EHMT1: variants seen among roughly 807,000 people sequenced by gnomAD.
EHMT1 encodes histone-lysine N-methyltransferase EHMT1.
A neutral mutation model predicts 147.2 loss-of-function variants in EHMT1; 15 were observed. The observed-to-expected ratio is 0.10, with a 90% CI of 0.07 to 0.16. The LOEUF is 0.16. Among genes scored for constraint, EHMT1 ranks in the 10% least tolerant of loss-of-function variants. The probability of loss-of-function intolerance (pLI) is 1.00; values close to 1 mark genes in which losing one functional copy is unlikely to be tolerated. For synonymous variants in EHMT1, 795 were observed against 709.6 expected (o/e 1.12, Z -1.91); for missense variants, 1,587 against 1,772.4 (o/e 0.90, Z 1.88).
At chr9:137,678,716 C>T (rs1941638831) in intron 1 of EHMT1, among the ~76,000 whole-genome samples, 1 of 149,552 alleles carries the variant, frequency 6.7e-6, no homozygotes, top group Admixed American at 6.7e-5. Context: ...ATGTCCCCCC[C>T]CCCGCTCCCC....
At position 137,787,794 on chromosome 9, in the gene EHMT1, G is replaced by T. The variant is rs1952108568; in HGVS notation, c.2383-3054G>T. 4 of 852,870 alleles carry T rather than the reference G, an allele frequency of 4.7e-6. No homozygotes were observed. In the East Asian group the frequency reaches 9.7e-5, roughly 21 times the overall value. 52.8% of individuals were successfully genotyped at this position (852,870 alleles called of 1,614,324 possible). On this transcript the variant is annotated intron_variant, in intron 15 of 26. Transcript: ENST00000460843. The surrounding 1 kb of genome is among the most constrained non-coding windows in gnomAD (Gnocchi z 4.2). ...AAGAGGGCGTCTAGATCCCAGCCCT[G>T]GGGGCCCTCAGGTTTCAGGGGCCAC...
chr9:137,821,912 G>A (rs1304506966), intron 25 of EHMT1, among the ~76,000 whole-genome samples: 1 of 152,060 alleles, frequency 6.6e-6, no homozygotes, highest in Non-Finnish European at 1.5e-5. Flanking sequence ...AAATCAAATA[G>A]GTTTTTGAAA....
rs558085411 is a variant in EHMT1, at chr9:137,715,548, T to TG, written c.86-1075dup. ...AGAACAGAGCCAGGAAGGAGGGCAC[T>TG]GGGCGGTGGCATCTCAGGCTTGACT... is the stretch of plus-strand genomic sequence containing the variant. On this transcript the variant is annotated intron_variant, in intron 2 of 26. Transcript: ENST00000460843. The TG allele has an allele frequency of 1.3e-4, 133 of 985,450 alleles. 1 individual carries two copies. The African/African-American group carries it at 2.2e-3, about 16-fold the overall frequency. 61.0% of individuals were successfully genotyped at this position (985,450 alleles called of 1,614,324 possible).
chr9:137,824,872 T>G (rs975220804), intron 25 of EHMT1, among the ~76,000 whole-genome samples: 1 of 152,222 alleles, frequency 6.6e-6, no homozygotes, highest in Non-Finnish European at 1.5e-5. Context: ...TTTGGACTAT[T>G]AGGCTTGTCT....
At chr9:137,769,779 C>G (rs1309989724) in intron 10 of EHMT1, among the ~76,000 whole-genome samples, 1 of 152,128 alleles carries the variant, frequency 6.6e-6, no homozygotes. Context: ...TTGACTTGAT[C>G]TCTATTTATG....
intron 4 of EHMT1, among the ~76,000 whole-genome samples, chr9:137,739,074 A>G (rs1177991017): frequency 9.2e-6 from 1 of 108,750 alleles, no homozygotes. Flanking sequence ...TTTTACTAGT[A>G]AAAAAAAAAA....
At chr9:137,689,618 G>A (rs1458349630) in intron 1 of EHMT1, among the ~76,000 whole-genome samples, 1 of 152,186 alleles carries the variant, frequency 6.6e-6, no homozygotes, top group Admixed American at 6.5e-5. Flanking sequence ...CAGGAGATTG[G>A]CTTGAACCTG....
intron 3 of EHMT1, among the ~76,000 whole-genome samples, chr9:137,721,159 C>A (rs1003335558): frequency 6.6e-6 from 1 of 151,458 alleles, no homozygotes; most frequent in East Asian, 1.9e-4. Flanking sequence ...TCACCCCTCC[C>A]AGACTTCTCA....
intron 1 of EHMT1, among the ~76,000 whole-genome samples, chr9:137,650,106 TA>T (rs1302944960): frequency 5.3e-5 from 8 of 152,088 alleles, no homozygotes; most frequent in Admixed American, 1.3e-4. Flanking sequence ...TTTATTTATT[TA>T]TTTTTTTTTG....
At position 137,634,868 on chromosome 9, in the gene EHMT1, ATTTTTTTTTTT is replaced by A. The variant is rs781056803; in HGVS notation, c.21+15834_21+15844del. Among the ~76,000 whole-genome samples the A allele has an allele frequency of 5.2e-4, 48 of 92,080 alleles. 2 individuals are homozygous for A. In the East Asian group the frequency reaches 0.011, roughly 21 times the overall value. The allele number at this position is 92,080 out of a possible 152,430, so 60.4% of individuals were successfully genotyped here. A position where few individuals can be genotyped will look rare whatever the true frequency, so the allele number is the denominator to read the frequency against. On this transcript the variant is annotated intron_variant, in intron 1 of 26. Transcript: ENST00000460843. Reference sequence around the variant, plus strand: ...CAGGCGCCCCCACCATGCCCAGCTAATTTTTTTTTTTTTTTTTTTTTTTTTGTATTTTTAGT... The same window carrying A: ...CAGGCGCCCCCACCATGCCCAGCTAATTTTTTTTTTTTTTGTATTTTTAGT...
intron 15 of EHMT1, chr9:137,788,833 G>A (rs879686207): frequency 1.3e-5 from 2 of 152,346 alleles, no homozygotes; most frequent in Non-Finnish European, 2.9e-5. Flanking sequence ...GACTTGGTCA[G>A]TGTCAGCCGC....
At chr9:137,710,250 T>A (rs1944583523) in intron 1 of EHMT1, among the ~76,000 whole-genome samples, 1 of 151,648 alleles carries the variant, frequency 6.6e-6, no homozygotes, top group Non-Finnish European at 1.5e-5. Context: ...GGCGGGCGGA[T>A]CACTTGAGGC....
At chr9:137,820,266 C>G (rs1488685678) in intron 25 of EHMT1, among the ~76,000 whole-genome samples, 1 of 152,208 alleles carries the variant, frequency 6.6e-6, no homozygotes, top group Non-Finnish European at 1.5e-5. Context: ...TGGGGCTGAG[C>G]TCTCAAGGGA....
intron 16 of EHMT1, among the ~76,000 whole-genome samples, chr9:137,792,858 C>T (rs1409475327): frequency 6.6e-6 from 1 of 152,174 alleles, no homozygotes; most frequent in Non-Finnish European, 1.5e-5. Context: ...AAGAAATAGA[C>T]AAACTTGATT....
intron 6 of EHMT1, among the ~76,000 whole-genome samples, chr9:137,750,766 G>T (rs1287963415): frequency 6.6e-6 from 1 of 152,224 alleles, no homozygotes; most frequent in Non-Finnish European, 1.5e-5. Flanking sequence ...TGCCGGAGGG[G>T]GCGCGGCTGC....
intron 16 of EHMT1, 36 bp downstream of exon 16, chr9:137,791,006 TG>T: frequency 6.2e-7 from 1 of 1,614,176 alleles, no homozygotes; most frequent in Non-Finnish European, 8.5e-7. Flanking sequence ...TCCTAGTGTG[TG>T]TGTAGACGTT....
chr9:137,800,709 T>C (rs927421322), intron 17 of EHMT1, 171 bp from the exon 18 acceptor site: 5 of 637,644 alleles, frequency 7.8e-6, no homozygotes, highest in Non-Finnish European at 1.4e-5. Flanking sequence ...ACCTGGGCTG[T>C]GCTCTGAGGA....
At chr9:137,741,602 G>A (rs1025439880) in intron 4 of EHMT1, among the ~76,000 whole-genome samples, 2 of 152,220 alleles carry the variant, frequency 1.3e-5, no homozygotes, top group African/African-American at 2.4e-5. Context: ...AAAGAATCTA[G>A]TGAGAAAGTA....
At chr9:137,759,935 G>A (rs1949676910) in intron 9 of EHMT1, among the ~76,000 whole-genome samples, 1 of 152,198 alleles carries the variant, frequency 6.6e-6, no homozygotes, top group Admixed American at 6.5e-5. Flanking sequence ...TGTGGGTCAG[G>A]GGGTCCAGGC....
Sources: gnomAD v4.1 joint callset for allele counts (sites outside exome capture counted in the v4.1 genomes callset) on GRCh38, gnomAD v4.1.1 for gene constraint, Gnocchi (gnomAD v3.1) non-coding constraint, MANE v1.5 for transcripts, NCBI Gene and HGNC (gene_info 2026-07-23, HGNC 2026-07-21) for gene names.